NKAIN2: variants seen among roughly 807,000 people sequenced by gnomAD.
The protein encoded by NKAIN2 is sodium/potassium-transporting ATPase subunit beta-1-interacting protein 2.
Under a neutral mutation model 32.6 loss-of-function variants are expected in NKAIN2, and 14 were observed. The observed-to-expected ratio is 0.43, with a 90% CI of 0.28 to 0.67. The LOEUF is 0.67. Among genes scored for constraint, NKAIN2 ranks in the 30% least tolerant of loss-of-function variants. The pLI, the probability that NKAIN2 is intolerant of heterozygous loss-of-function variation, is 0.17. For synonymous variants in NKAIN2, 80 were observed against 87.2 expected (o/e 0.92, Z 0.46); for missense variants, 198 against 258.3 (o/e 0.77, Z 1.60).
chr6:124,148,002 A>AT (rs1181994015), intron 1 of NKAIN2, among the ~76,000 whole-genome samples: 1 of 152,068 alleles, frequency 6.6e-6, no homozygotes, highest in African/African-American at 2.4e-5. Context: ...GTCCCTCTAT[A>AT]TATTAGTTAA....
chr6:124,696,922 C>G (rs984320463), intron 4 of NKAIN2, among the ~76,000 whole-genome samples: 49 of 152,140 alleles, frequency 3.2e-4, no homozygotes, highest in African/African-American at 1.0e-3. Context: ...GGGTTCCAAA[C>G]AAGGTCACTT....
At chr6:123,951,790 C>T (rs9491014) in intron 1 of NKAIN2, among the ~76,000 whole-genome samples, 12,659 of 151,682 alleles carry the variant, frequency 0.083, 1,684 homozygotes, top group African/African-American at 0.28. Context: ...TATTAATATT[C>T]ATTAATATTG....
chr6:124,264,665 C>A (rs942318869), intron 1 of NKAIN2, among the ~76,000 whole-genome samples: 1 of 152,140 alleles, frequency 6.6e-6, no homozygotes, highest in African/African-American at 2.4e-5. Flanking sequence ...AAAGATTGGA[C>A]CCCCAGTGGG....
chr6:124,571,691 C>A (rs978550664), intron 3 of NKAIN2, among the ~76,000 whole-genome samples: 3 of 152,114 alleles, frequency 2.0e-5, no homozygotes, highest in African/African-American at 7.2e-5. Context: ...AGCACGAATA[C>A]GGACTAATAC....
At chr6:123,915,755 C>T (rs1002560722) in intron 1 of NKAIN2, among the ~76,000 whole-genome samples, 9 of 151,918 alleles carry the variant, frequency 5.9e-5, no homozygotes, top group African/African-American at 1.7e-4. Context: ...TGTGTGTCTC[C>T]GTGTATGTAA....
intron 1 of NKAIN2, among the ~76,000 whole-genome samples, chr6:124,269,175 A>G (rs140084290): frequency 2.2e-3 from 338 of 152,278 alleles, no homozygotes; most frequent in African/African-American, 7.7e-3. Context: ...AACTGATAGA[A>G]AATATCATGT....
At chr6:124,031,589 C>T (rs1781407187) in intron 1 of NKAIN2, among the ~76,000 whole-genome samples, 1 of 152,120 alleles carries the variant, frequency 6.6e-6, no homozygotes, top group South Asian at 2.1e-4. Flanking sequence ...AAATGTGTCC[C>T]AGAGATTCTG....
chr6:124,536,746 C>A (rs1421436322), intron 3 of NKAIN2, among the ~76,000 whole-genome samples: 1 of 152,190 alleles, frequency 6.6e-6, no homozygotes, highest in Non-Finnish European at 1.5e-5. Context: ...TGCTGCTTCT[C>A]AACGGATTTT....
chr6:124,529,085 T>C (rs1358768283), intron 3 of NKAIN2, among the ~76,000 whole-genome samples: 3 of 152,198 alleles, frequency 2.0e-5, no homozygotes, highest in Non-Finnish European at 4.4e-5. Context: ...ATAAATATCA[T>C]GACAATAGTC....
chr6:123,881,402 A>G (rs1360327519), intron 1 of NKAIN2, among the ~76,000 whole-genome samples: 1 of 152,178 alleles, frequency 6.6e-6, no homozygotes, highest in Non-Finnish European at 1.5e-5. Context: ...TTCTCTTCCA[A>G]CTGAATGAGA....
At chr6:124,559,081 G>A (rs188692688) in intron 3 of NKAIN2, among the ~76,000 whole-genome samples, 64 of 152,180 alleles carry the variant, frequency 4.2e-4, no homozygotes, top group South Asian at 1.2e-3. Flanking sequence ...GTATAGATTC[G>A]TTTTCCTGTT....
chr6:124,613,066 C>T (rs9491201), intron 3 of NKAIN2, among the ~76,000 whole-genome samples: 26,257 of 152,032 alleles, frequency 0.17, 2,472 homozygotes, highest in Middle Eastern at 0.24. Flanking sequence ...TTTCAATATA[C>T]CCAAAGCATG....
At chr6:124,415,565 A>G (rs1312042026) in intron 3 of NKAIN2, among the ~76,000 whole-genome samples, 2 of 152,194 alleles carry the variant, frequency 1.3e-5, no homozygotes, top group Non-Finnish European at 2.9e-5. Flanking sequence ...GATTGATTAA[A>G]CCAATGGCCA....
intron 3 of NKAIN2, among the ~76,000 whole-genome samples, chr6:124,560,983 T>C (rs988889771): frequency 8.5e-5 from 13 of 152,162 alleles, no homozygotes; most frequent in African/African-American, 3.1e-4. Flanking sequence ...AGCAATCTTC[T>C]AGACCCAGAG....
chr6:124,617,141 G>T (rs1782937462), intron 3 of NKAIN2, among the ~76,000 whole-genome samples: 1 of 152,112 alleles, frequency 6.6e-6, no homozygotes, highest in Non-Finnish European at 1.5e-5. Flanking sequence ...CTGTCTCAAA[G>T]AATCATTGTA....
intron 1 of NKAIN2, among the ~76,000 whole-genome samples, chr6:124,137,537 CAG>C (rs1786879160): frequency 1.3e-5 from 2 of 151,922 alleles, no homozygotes; most frequent in African/African-American, 4.8e-5. Flanking sequence ...GGCACCAAAA[CAG>C]AGCCCACATA....
intron 1 of NKAIN2, among the ~76,000 whole-genome samples, chr6:124,175,958 T>G (rs1789135935): frequency 6.6e-6 from 1 of 152,142 alleles, no homozygotes; most frequent in African/African-American, 2.4e-5. Context: ...GTACTGACAC[T>G]ACTGTTCCAT....
At chr6:124,111,774 TG>T (rs1785394599) in intron 1 of NKAIN2, among the ~76,000 whole-genome samples, 1 of 151,974 alleles carries the variant, frequency 6.6e-6, no homozygotes, top group East Asian at 1.9e-4. Flanking sequence ...TGGGTTTTGT[TG>T]GGGTTTTTTT....
At chr6:124,630,949 C>T (rs1175391215) in intron 3 of NKAIN2, among the ~76,000 whole-genome samples, 2 of 152,074 alleles carry the variant, frequency 1.3e-5, no homozygotes, top group Non-Finnish European at 2.9e-5. Flanking sequence ...TTTTATAGTA[C>T]AAAATTACTC....
Sources: gnomAD v4.1 joint callset for allele counts (sites outside exome capture counted in the v4.1 genomes callset) on GRCh38, gnomAD v4.1.1 for gene constraint, MANE v1.5 for transcripts, NCBI Gene and HGNC (gene_info 2026-07-23, HGNC 2026-07-21) for gene names.